Variants in SYNPR observed in about 807,000 individuals in gnomAD.
The protein encoded by SYNPR is synaptoporin.
Under a neutral mutation model 32.9 loss-of-function variants are expected in SYNPR, and 23 were observed. The ratio of observed to expected loss-of-function variants is 0.70; its 90% CI spans 0.50 to 0.99. The LOEUF is 0.99. Ranked by LOEUF, SYNPR falls within the 50% of genes least tolerant of loss-of-function variation. The pLI is 0.00. For synonymous variants in SYNPR, 146 were observed against 135.9 expected, an observed-to-expected ratio of 1.07 and a Z score of -0.52; for missense variants, 318 against 349.3, an observed-to-expected ratio of 0.91 and a Z score of 0.71.
intron 2 of SYNPR, among the ~76,000 whole-genome samples, chr3:63,395,747 G>A (rs1365578158): frequency 6.6e-6 from 1 of 151,980 alleles, no homozygotes; most frequent in Non-Finnish European, 1.5e-5. Flanking sequence ...ATATATGTTA[G>A]CTATTTCAGT....
At chr3:63,507,796 A>G (rs961937838) in intron 3 of SYNPR, among the ~76,000 whole-genome samples, 7 of 152,014 alleles carry the variant, frequency 4.6e-5, no homozygotes, top group African/African-American at 1.7e-4. Context: ...AAAAAGTTAA[A>G]AAATGATAGC....
At chr3:63,605,644 C>T (rs1395239608) in intron 4 of SYNPR, among the ~76,000 whole-genome samples, 1 of 152,084 alleles carries the variant, frequency 6.6e-6, no homozygotes, top group Admixed American at 6.6e-5. Context: ...GAACATGAAA[C>T]TGAGAAAAAT....
chr3:63,553,183 A>G (rs150941218), intron 3 of SYNPR, among the ~76,000 whole-genome samples: 1 of 152,310 alleles, frequency 6.6e-6, no homozygotes, highest in African/African-American at 2.4e-5. Flanking sequence ...AAGCAAGAAC[A>G]TGCATATTTG....
At chr3:63,588,186 A>C (rs1703225830) in intron 4 of SYNPR, among the ~76,000 whole-genome samples, 1 of 152,120 alleles carries the variant, frequency 6.6e-6, no homozygotes, top group African/African-American at 2.4e-5. Flanking sequence ...ATTTCAATAC[A>C]TACGTCTTGG....
chr3:63,211,436 T>G, the SYNPR span, among the ~76,000 whole-genome samples: 38 of 152,318 alleles, frequency 2.5e-4, 1 homozygote, highest in African/African-American at 8.9e-4. Context: ...GCAAGGAGAT[T>G]CAAGTTTACA....
At chr3:63,300,577 C>A (rs1315536071) in intron 2 of SYNPR, among the ~76,000 whole-genome samples, 1 of 152,004 alleles carries the variant, frequency 6.6e-6, no homozygotes. Context: ...AAAGGTAGTC[C>A]CTGCTCTAGA....
At chr3:63,610,486 C>G (rs1575736473) in intron 5 of SYNPR, 2 of 698,330 alleles carry the variant, frequency 2.9e-6, no homozygotes, top group East Asian at 5.4e-5. Context: ...TTCTGAAATT[C>G]AATCTGCGAA....
intron 2 of SYNPR, among the ~76,000 whole-genome samples, chr3:63,265,714 A>G (rs2086480349): frequency 6.6e-6 from 1 of 152,240 alleles, no homozygotes; most frequent in South Asian, 2.1e-4. Context: ...TCCATACACT[A>G]GAATGTAGGA....
chr3:63,241,004 C>T (rs763313154), intron 1 of SYNPR, among the ~76,000 whole-genome samples: 16 of 151,958 alleles, frequency 1.1e-4, no homozygotes, highest in Admixed American at 2.0e-4. Context: ...TAAAATGACC[C>T]TTATTTATCT....
chr3:63,406,210 A>T (rs2088357429), intron 2 of SYNPR, among the ~76,000 whole-genome samples: 1 of 152,060 alleles, frequency 6.6e-6, no homozygotes, highest in Non-Finnish European at 1.5e-5. Context: ...AGCTTTAAAA[A>T]AAAAAAAAGC....
chr3:63,332,147 C>A (rs2087237776), intron 2 of SYNPR, among the ~76,000 whole-genome samples: 1 of 152,134 alleles, frequency 6.6e-6, no homozygotes, highest in Admixed American at 6.5e-5. Context: ...TATAATTGGA[C>A]TTTATGAAGT....
chr3:63,399,451 G>A (rs1363477405), intron 2 of SYNPR, among the ~76,000 whole-genome samples: 1 of 152,130 alleles, frequency 6.6e-6, no homozygotes. Context: ...TAGGCGGTCT[G>A]GAAGTCCAAA....
intron 2 of SYNPR, among the ~76,000 whole-genome samples, chr3:63,342,053 A>T (rs1374092220): frequency 1.3e-5 from 2 of 152,182 alleles, no homozygotes; most frequent in Non-Finnish European, 2.9e-5. Flanking sequence ...GTTTGTGTCT[A>T]GATTCATTTT....
chr3:63,520,041 G>C (rs1237083811), intron 3 of SYNPR, among the ~76,000 whole-genome samples: 1 of 152,050 alleles, frequency 6.6e-6, no homozygotes, highest in Non-Finnish European at 1.5e-5. Flanking sequence ...TCAGATGGTA[G>C]GTTCTATTTT....
intron 2 of SYNPR, among the ~76,000 whole-genome samples, chr3:63,283,878 C>T (rs1040815068): frequency 1.5e-5 from 2 of 136,202 alleles, no homozygotes; most frequent in Non-Finnish European, 3.0e-5. Flanking sequence ...AGCGCAATGG[C>T]GCCAACTCAG....
chr3:63,262,225 A>G (rs2086445142), intron 2 of SYNPR, among the ~76,000 whole-genome samples: 1 of 152,188 alleles, frequency 6.6e-6, no homozygotes, highest in South Asian at 2.1e-4. Context: ...GGACTGGAAC[A>G]GTGGGGAAAG....
intron 2 of SYNPR, 131 bp from the exon 3 acceptor site, chr3:63,480,701 C>G (rs1701030062): frequency 1.3e-5 from 16 of 1,211,604 alleles, no homozygotes; most frequent in Non-Finnish European, 1.8e-5. Context: ...TCCAGCTGAA[C>G]CAAGGGCAAT....
intron 3 of SYNPR, among the ~76,000 whole-genome samples, chr3:63,554,593 G>A (rs1161155960): frequency 1.3e-5 from 2 of 152,164 alleles, no homozygotes; most frequent in African/African-American, 4.8e-5. Context: ...CTAGTACCAT[G>A]CTGTTTTGGT....
intron 2 of SYNPR, among the ~76,000 whole-genome samples, chr3:63,347,423 A>G (rs1461723184): frequency 6.6e-6 from 1 of 152,240 alleles, no homozygotes; most frequent in Non-Finnish European, 1.5e-5. Context: ...GTCTGAATTC[A>G]ACACTCATCC....
Sources: gnomAD v4.1 joint callset for allele counts (sites outside exome capture counted in the v4.1 genomes callset) on GRCh38, gnomAD v4.1.1 for gene constraint, MANE v1.5 for transcripts, NCBI Gene and HGNC (gene_info 2026-07-23, HGNC 2026-07-21) for gene names.